MAST2: variants seen among roughly 807,000 people sequenced by gnomAD.
The protein encoded by MAST2 is microtubule-associated serine/threonine-protein kinase 2.
MAST2 carries 70 observed loss-of-function variants against 147.4 expected under a neutral mutation model. That is an observed-to-expected ratio of 0.47 (90% CI 0.39 to 0.58). MAST2 has a LOEUF of 0.58. Ranked by LOEUF, MAST2 falls within the 20% of genes least tolerant of loss-of-function variation. MAST2 has a pLI of 0.00. For missense variants in MAST2, 2,080 were observed against 2,302.3 expected, an observed-to-expected ratio of 0.90 and a Z score of 1.98; for synonymous variants, 869 against 896.8, an observed-to-expected ratio of 0.97 and a Z score of 0.55.
At chr1:45,951,807 G>A (rs1329421044) in intron 4 of MAST2, among the ~76,000 whole-genome samples, 1 of 152,186 alleles carries the variant, frequency 6.6e-6, no homozygotes, top group African/African-American at 2.4e-5. Context: ...ATGAATGAAA[G>A]CTAAGAAATA....
At chr1:45,999,722 C>G (rs1004115832) in intron 6 of MAST2, among the ~76,000 whole-genome samples, 1 of 152,202 alleles carries the variant, frequency 6.6e-6, no homozygotes, top group African/African-American at 2.4e-5. Flanking sequence ...TAAATGTCAC[C>G]TCCTCAGAGA....
intron 19 of MAST2, 101 bp from the exon 20 acceptor site, chr1:46,029,730 C>G: frequency 6.8e-7 from 1 of 1,468,378 alleles, no homozygotes; most frequent in South Asian, 1.3e-5. Context: ...GAGCTGATCC[C>G]CTAGGTATAG....
At chr1:45,955,230 G>A (rs1038847741) in intron 4 of MAST2, among the ~76,000 whole-genome samples, 7 of 151,888 alleles carry the variant, frequency 4.6e-5, no homozygotes, top group African/African-American at 1.5e-4. Flanking sequence ...GGACCCACAC[G>A]GATACCAAAA....
chr1:45,830,811 C>T (rs948516424), intron 3 of MAST2, among the ~76,000 whole-genome samples: 1 of 151,646 alleles, frequency 6.6e-6, no homozygotes, highest in Non-Finnish European at 1.5e-5. Flanking sequence ...TCGCTTGAGC[C>T]CAGGAGTTCA....
intron 1 of MAST2, among the ~76,000 whole-genome samples, chr1:45,811,710 T>A (rs997336277): frequency 2.0e-5 from 3 of 147,732 alleles, no homozygotes; most frequent in Admixed American, 6.8e-5. Context: ...CTTGGCTCAC[T>A]GCAAGCTCTG....
intron 4 of MAST2, among the ~76,000 whole-genome samples, chr1:45,956,260 G>A (rs1332232416): frequency 6.6e-6 from 1 of 152,010 alleles, no homozygotes; most frequent in Non-Finnish European, 1.5e-5. Flanking sequence ...AAGATACATT[G>A]CAACCTATTG....
intron 1 of MAST2, among the ~76,000 whole-genome samples, chr1:45,819,070 A>G (rs1031759815): frequency 1.3e-5 from 2 of 152,126 alleles, no homozygotes; most frequent in Non-Finnish European, 1.5e-5. Flanking sequence ...CCTGACCAAC[A>G]TGGTGAAACC....
At chr1:45,847,633 G>A in intron 3 of MAST2, 1 of 582,542 alleles carries the variant, frequency 1.7e-6, no homozygotes, top group Middle Eastern at 3.9e-4. Flanking sequence ...GGCCACAGAG[G>A]AGCTCTGCAC....
At chr1:46,032,135 C>A in intron 24 of MAST2, 43 bp from the exon 25 acceptor site, 1 of 1,508,860 alleles carries the variant, frequency 6.6e-7, no homozygotes, top group South Asian at 1.1e-5. Context: ...GGGGCCAGGC[C>A]AAAGCCCTCT....
At chr1:45,909,906 G>A (rs1306509628) in intron 4 of MAST2, among the ~76,000 whole-genome samples, 2 of 151,650 alleles carry the variant, frequency 1.3e-5, no homozygotes, top group African/African-American at 4.8e-5. Context: ...TCCGCCTCCC[G>A]GGTTCAAGTG....
At chr1:46,009,046 C>T (rs4660335) in intron 9 of MAST2, among the ~76,000 whole-genome samples, 43,182 of 151,942 alleles carry the variant, frequency 0.28, 6,260 homozygotes, top group South Asian at 0.39. Context: ...ATCTTGTTTC[C>T]CATTTGCATG....
chr1:46,029,095 T>A, intron 18 of MAST2, 162 bp downstream of exon 18: 1 of 754,420 alleles, frequency 1.3e-6, no homozygotes, highest in Non-Finnish European at 2.1e-6. Context: ...TTTCTGCATG[T>A]ACATACATGT....
At chr1:45,893,530 C>T (rs140592207) in intron 4 of MAST2, among the ~76,000 whole-genome samples, 1,926 of 151,528 alleles carry the variant, frequency 0.013, 19 homozygotes, top group Non-Finnish European at 0.022. Flanking sequence ...TGTGAGCCAC[C>T]GCACCTGGCC....
At position 45,948,706 on chromosome 1, in the gene MAST2, C is replaced by CAAAAAAA. The variant is rs34012353; in HGVS notation, c.501-10659_501-10653dup. Reference sequence around the variant, plus strand: ...TGGGCGACAGAGTGAGACTCCATCTCAAAAAAAAAAAAAAAAAAAAAAAAA... The same window carrying CAAAAAAA: ...TGGGCGACAGAGTGAGACTCCATCTCAAAAAAAAAAAAAAAAAAAAAAAAAAAAAAAA... On this transcript the variant is annotated intron_variant, in intron 4 of 28. Coordinates refer to ENST00000361297, the MANE Select transcript of MAST2 (RefSeq NM_015112.3). Among the ~76,000 whole-genome samples, 15 of 40,254 alleles carry CAAAAAAA rather than the reference C, an allele frequency of 3.7e-4. 2 individuals carry two copies. In the East Asian group the frequency reaches 4.5e-3, roughly 12 times the overall value. The allele number at this position is 40,254 out of a possible 152,430, so 26.4% of individuals were successfully genotyped here.
chr1:45,854,373 T>A (rs1259880372), intron 3 of MAST2, among the ~76,000 whole-genome samples: 1 of 151,578 alleles, frequency 6.6e-6, no homozygotes, highest in Non-Finnish European at 1.5e-5. Context: ...ATTTGTGTGG[T>A]TTATTTCTGG....
At chr1:45,854,470 T>C (rs1283793813) in intron 3 of MAST2, among the ~76,000 whole-genome samples, 2 of 152,198 alleles carry the variant, frequency 1.3e-5, no homozygotes, top group Non-Finnish European at 2.9e-5. Context: ...TAGTAAGTCT[T>C]AACATTGGGT....
intron 18 of MAST2, 46 bp downstream of exon 18, chr1:46,028,979 C>T: frequency 6.6e-7 from 1 of 1,521,644 alleles, no homozygotes; most frequent in Non-Finnish European, 8.8e-7. Context: ...AGTCTGAATC[C>T]ACAAATATGA....
rs1053237459 is a variant in MAST2, at chr1:46,002,617, C to T, written c.669-188C>T. ...TTATAGTCAGAGATGTCTGTCTTTG[C>T]AGGGAAAACAACAATAAGCCCTCTG... On this transcript the variant is annotated intron_variant, in intron 6 of 28. Transcript: ENST00000361297. Among the ~76,000 whole-genome samples, 3 of 152,158 alleles carry T rather than the reference C, an allele frequency of 2.0e-5. No homozygotes were observed. In the East Asian group the frequency reaches 5.8e-4, roughly 29 times the overall value.
At chr1:45,963,387 A>G (rs1373860376) in intron 5 of MAST2, among the ~76,000 whole-genome samples, 2 of 152,160 alleles carry the variant, frequency 1.3e-5, no homozygotes, top group South Asian at 4.1e-4. Flanking sequence ...TGATTCTTCT[A>G]TCCATGAGCA....
Sources: allele counts gnomAD v4.1 joint callset (sites outside exome capture counted in the v4.1 genomes callset), GRCh38; gene constraint gnomAD v4.1.1; transcripts MANE v1.5; gene names NCBI Gene and HGNC (gene_info 2026-07-23, HGNC 2026-07-21).